VKORC1L1: variants seen among roughly 807,000 people sequenced by gnomAD.
The protein encoded by VKORC1L1 is vitamin K epoxide reductase complex subunit 1-like protein 1.
In VKORC1L1, 2 loss-of-function variants were observed where a neutral mutation model predicts 18.9. That is an observed-to-expected ratio of 0.11 (90% CI 0.04 to 0.33). The LOEUF is 0.33. Ranked by LOEUF, VKORC1L1 falls within the 10% of genes least tolerant of loss-of-function variation. VKORC1L1 has a pLI of 1.00. For synonymous variants in VKORC1L1, 96 were observed against 100.0 expected, an observed-to-expected ratio of 0.96 and a Z score of 0.24; for missense variants, 123 against 224.1, an observed-to-expected ratio of 0.55 and a Z score of 2.88.
intron 1 of VKORC1L1, among the ~76,000 whole-genome samples, chr7:65,900,083 G>A (rs796382333): frequency 1.6e-3 from 168 of 103,040 alleles, no homozygotes; most frequent in East Asian, 6.9e-3. Context: ...GTGTGTGTGT[G>A]TGTGTATTGA....
intron 1 of VKORC1L1, among the ~76,000 whole-genome samples, chr7:65,904,397 G>A (rs1789370078): frequency 6.6e-6 from 1 of 152,068 alleles, no homozygotes; most frequent in South Asian, 2.1e-4. Flanking sequence ...TAGAGATGGG[G>A]TTTCACCATG....
chr7:65,874,507 C>G (rs1209350305), intron 1 of VKORC1L1, among the ~76,000 whole-genome samples: 2 of 151,812 alleles, frequency 1.3e-5, no homozygotes, highest in African/African-American at 4.8e-5. Context: ...TGCTTAAGTG[C>G]TTAAAATTGA....
Position 65,873,584 on chromosome 7 carries a change from T to G in VKORC1L1, c.194+19T>G, listed in dbSNP as rs1583816110. 4.7e-6 allele frequency: 7 copies of G among 1,478,978 alleles called. No individual in the cohort carries two copies. In the East Asian group the frequency reaches 1.6e-4, roughly 35 times the overall value. The allele number at this position is 1,478,978 out of a possible 1,614,324, so 91.6% of individuals were successfully genotyped here. ...CCTCCAGGTAGCCGGCTTGGGGGAGTGGGCCAGGAGCGGCCGAGCGGGGCG... is the reference window on the plus strand; with the variant it reads ...CCTCCAGGTAGCCGGCTTGGGGGAGGGGGCCAGGAGCGGCCGAGCGGGGCG... On this transcript the variant is annotated intron_variant, in intron 1 of 2. Coordinates refer to ENST00000360768, the MANE Select transcript of VKORC1L1 (RefSeq NM_173517.6).
In VKORC1L1 at chr7:65,878,371, C is replaced by T. The variant is rs1360568218; in HGVS notation, c.194+4806C>T. 9.2e-5 allele frequency among the ~76,000 whole-genome samples: 14 copies of T among 151,970 alleles called. No homozygotes were observed. In the South Asian group the frequency reaches 2.1e-3, roughly 23 times the overall value. On this transcript the variant is annotated intron_variant, in intron 1 of 2. Coordinates refer to ENST00000360768, the MANE Select transcript of VKORC1L1 (RefSeq NM_173517.6). ...CTGAGGCAGGAGAATCACTTGAACC[C>T]GGGAGGTGGAGGTAGCAGTAAGCCG...
intron 1 of VKORC1L1, among the ~76,000 whole-genome samples, chr7:65,906,471 C>T (rs931461056): frequency 1.3e-5 from 2 of 152,090 alleles, no homozygotes; most frequent in African/African-American, 4.8e-5. Flanking sequence ...AATCTCTAGA[C>T]ATTTTTGACT....
chr7:65,901,689 T>C (rs113844967), intron 1 of VKORC1L1, among the ~76,000 whole-genome samples: 1 of 152,064 alleles, frequency 6.6e-6, no homozygotes, highest in Non-Finnish European at 1.5e-5. Context: ...GGGAAGGTTG[T>C]CATCATTCGT....
In VKORC1L1 at chr7:65,899,574, G is replaced by A. The variant is rs776451201; in HGVS notation, c.194+26009G>A. On this transcript the variant is annotated intron_variant, in intron 1 of 2. Transcript: ENST00000360768. The stretch of plus-strand genomic sequence containing the variant: ...ACTCTGAAGCTTATGGGAGGACTGA[G>A]TATCATTAACTGGCACAGAGGGAGA... 3.9e-5 allele frequency among the ~76,000 whole-genome samples: 6 copies of A among 152,118 alleles called. No homozygotes were observed. The East Asian group carries it at 9.6e-4, about 24-fold the overall frequency.
At chr7:65,948,247 G>A (rs1790154581) in intron 1 of VKORC1L1, among the ~76,000 whole-genome samples, 1 of 151,870 alleles carries the variant, frequency 6.6e-6, no homozygotes, top group African/African-American at 2.4e-5. Context: ...GTTATGTAAT[G>A]CACAGAACAC....
In VKORC1L1 at chr7:65,883,805, T is replaced by TTC. The variant is rs1554393862; in HGVS notation, c.194+10241_194+10242insCT. ...AAGCCACCACACCCAGCCTAATCTG[T>TTC]TTATGTTATAGATGCACATAAAATT... On this transcript the variant is annotated intron_variant, in intron 1 of 2. Transcript: ENST00000360768. Among the ~76,000 whole-genome samples the TTC allele has an allele frequency of 4.6e-5, 7 of 151,822 alleles. No individual in the cohort carries two copies. In the South Asian group the frequency reaches 1.5e-3, roughly 31 times the overall value.
intron 1 of VKORC1L1, among the ~76,000 whole-genome samples, chr7:65,877,565 C>G (rs1232937234): frequency 2.0e-5 from 3 of 152,132 alleles, no homozygotes; most frequent in African/African-American, 2.4e-5. Flanking sequence ...CCAGGCTGGT[C>G]TTAAACTCCT....
intron 1 of VKORC1L1, among the ~76,000 whole-genome samples, chr7:65,935,323 T>C (rs192241557): frequency 9.9e-5 from 15 of 152,172 alleles, no homozygotes; most frequent in African/African-American, 3.4e-4. Flanking sequence ...GGTTTCTTTT[T>C]TTTTTGAGAT....
At chr7:65,945,093 T>C in intron 1 of VKORC1L1, among the ~76,000 whole-genome samples, 1 of 151,580 alleles carries the variant, frequency 6.6e-6, no homozygotes, top group Admixed American at 6.6e-5. Context: ...AAACCCCATC[T>C]CTACTGAAAA....
In VKORC1L1 at chr7:65,954,666, G is replaced by T. The variant is rs1790266434; in HGVS notation, c.*366G>T. ...ATTCAATTTCAGGTATAACAAATGT[G>T]ATCATGACATGAAAATATTCTAGAA... On this transcript the variant is annotated 3_prime_UTR_variant, in exon 3 of 3. Transcript: ENST00000360768. The T allele has an allele frequency of 1.1e-5, 3 of 280,308 alleles. 1 individual carries two copies. In the South Asian group the frequency reaches 2.9e-4, roughly 28 times the overall value. 17.4% of individuals were successfully genotyped at this position (280,308 alleles called of 1,614,324 possible). A position where few individuals can be genotyped will look rare whatever the true frequency, so the allele number is the denominator to read the frequency against.
intron 1 of VKORC1L1, among the ~76,000 whole-genome samples, chr7:65,937,592 C>T (rs750212094): frequency 1.3e-5 from 2 of 152,068 alleles, no homozygotes; most frequent in South Asian, 2.1e-4. Flanking sequence ...TTGTTTGTTT[C>T]GGTAGAGTCA....
At position 65,874,529 on chromosome 7, in the gene VKORC1L1, C is replaced by T. The variant is rs546117008; in HGVS notation, c.194+964C>T. On this transcript the variant is annotated intron_variant, in intron 1 of 2. Transcript: ENST00000360768. ...GTGCTTAAAATTGACTTTTCTTGGCCGGGCACAGTGGCTCACGCCTGTAAT... is the reference window on the plus strand; with the variant it reads ...GTGCTTAAAATTGACTTTTCTTGGCTGGGCACAGTGGCTCACGCCTGTAAT... Among the ~76,000 whole-genome samples, 7 of 152,032 alleles carry T rather than the reference C, an allele frequency of 4.6e-5. No homozygotes were observed. The South Asian group carries it at 1.2e-3, about 27-fold the overall frequency.
chr7:65,953,289 T>C (rs1473517057), intron 2 of VKORC1L1, among the ~76,000 whole-genome samples: 1 of 152,210 alleles, frequency 6.6e-6, no homozygotes, highest in Non-Finnish European at 1.5e-5. Flanking sequence ...TCACCTCTCA[T>C]TGTGGATTTT....
intron 1 of VKORC1L1, among the ~76,000 whole-genome samples, chr7:65,875,617 C>T (rs1788814489): frequency 6.6e-6 from 1 of 152,110 alleles, no homozygotes; most frequent in Non-Finnish European, 1.5e-5. Flanking sequence ...CGGGGTTTCA[C>T]CATGTTAGCC....
intron 1 of VKORC1L1, among the ~76,000 whole-genome samples, chr7:65,927,891 G>A (rs909922333): frequency 2.6e-5 from 4 of 152,150 alleles, no homozygotes; most frequent in Non-Finnish European, 5.9e-5. Context: ...GGGGTGGGGA[G>A]AGGGTAGTTA....
chr7:65,894,993 A>G (rs552034175), intron 1 of VKORC1L1, among the ~76,000 whole-genome samples: 2 of 152,300 alleles, frequency 1.3e-5, no homozygotes, highest in East Asian at 3.9e-4. Context: ...ATGCTAAAAC[A>G]TATTTTGTTC....
Sources: gnomAD v4.1 joint callset for allele counts (sites outside exome capture counted in the v4.1 genomes callset) on GRCh38, gnomAD v4.1.1 for gene constraint, MANE v1.5 for transcripts, NCBI Gene and HGNC (gene_info 2026-07-23, HGNC 2026-07-21) for gene names.